The following ATP8B4 variants were observed in gnomAD, a reference collection of about 807,000 sequenced individuals.
ATP8B4 encodes ATPase phospholipid transporting 8B4 (putative).
A neutral mutation model predicts 145.6 loss-of-function variants in ATP8B4; 133 were observed. That is an observed-to-expected ratio of 0.91 (90% CI 0.79 to 1.05). The LOEUF is 1.05. Among genes scored for constraint, ATP8B4 ranks in the 50% least tolerant of loss-of-function variants. The probability of loss-of-function intolerance (pLI) is 0.00; values close to 1 mark genes in which losing one functional copy is unlikely to be tolerated. For missense variants in ATP8B4, 1,458 were observed against 1,425.2 expected (o/e 1.02, Z -0.37); for synonymous variants, 507 against 492.9 (o/e 1.03, Z -0.38).
chr15:50,175,791 G>A (rs997570749), intron 1 of ATP8B4, among the ~76,000 whole-genome samples: 3 of 152,142 alleles, frequency 2.0e-5, no homozygotes, highest in Admixed American at 1.3e-4. Context: ...ACAGTGTGGC[G>A]ATCCCTTAAA....
upstream of ATP8B4, among the ~76,000 whole-genome samples, chr15:50,123,815 T>C (rs533189602): frequency 1.6e-4 from 24 of 152,286 alleles, no homozygotes; most frequent in South Asian, 4.8e-3. Flanking sequence ...CTCCAGTTTT[T>C]TTCATCCTGA....
chr15:50,071,708 G>C (rs1366356941), intron 3 of ATP8B4, among the ~76,000 whole-genome samples: 3 of 152,194 alleles, frequency 2.0e-5, no homozygotes, highest in Non-Finnish European at 2.9e-5. Context: ...CCATATGTCA[G>C]GAGGCCATAC....
intron 1 of ATP8B4, among the ~76,000 whole-genome samples, chr15:50,172,941 G>A (rs939597471): frequency 2.7e-5 from 4 of 146,154 alleles, no homozygotes; most frequent in East Asian, 2.1e-4. Flanking sequence ...GAGCGTCTCC[G>A]CCCGGCAGCC....
chr15:49,915,419 CAA>C (rs1333420484), intron 20 of ATP8B4, among the ~76,000 whole-genome samples: 1 of 151,996 alleles, frequency 6.6e-6, no homozygotes, highest in Non-Finnish European at 1.5e-5. Context: ...GTATAGTTAG[CAA>C]CCATGTATTG....
At chr15:50,028,723 G>A (rs530718994) in intron 6 of ATP8B4, among the ~76,000 whole-genome samples, 16 of 152,136 alleles carry the variant, frequency 1.1e-4, no homozygotes, top group African/African-American at 3.6e-4. Context: ...AAGTAATTGT[G>A]GAATAACTTT....
At chr15:49,925,575 G>T (rs902627933) in intron 16 of ATP8B4, among the ~76,000 whole-genome samples, 1 of 152,152 alleles carries the variant, frequency 6.6e-6, no homozygotes, top group African/African-American at 2.4e-5. Context: ...TGTGATTTGT[G>T]TAAATCCCTT....
chr15:50,130,119 G>A (rs2057336075), intron 1 of ATP8B4, among the ~76,000 whole-genome samples: 1 of 152,138 alleles, frequency 6.6e-6, no homozygotes, highest in Non-Finnish European at 1.5e-5. Flanking sequence ...AGCCTGCATA[G>A]ATGCCCTTTC....
intron 2 of ATP8B4, among the ~76,000 whole-genome samples, chr15:50,103,174 G>C (rs2056473689): frequency 6.6e-6 from 1 of 152,052 alleles, no homozygotes; most frequent in Admixed American, 6.6e-5. Flanking sequence ...TTCCCCCTGA[G>C]AACTGGAACA....
At chr15:50,086,698 A>G (rs1388884015) in intron 2 of ATP8B4, among the ~76,000 whole-genome samples, 1 of 100,340 alleles carries the variant, frequency 1.0e-5, no homozygotes, top group East Asian at 2.7e-4. Flanking sequence ...AATAATAGAG[A>G]TCTATATTAT....
chr15:50,107,335 T>C (rs2153668564), intron 1 of ATP8B4, among the ~76,000 whole-genome samples: 1 of 152,316 alleles, frequency 6.6e-6, no homozygotes, highest in Admixed American at 6.5e-5. Flanking sequence ...ATCTGCCTTT[T>C]ATTTAAATGC....
chr15:50,170,490 A>G (rs908931174), intron 1 of ATP8B4, among the ~76,000 whole-genome samples: 1 of 62,992 alleles, frequency 1.6e-5, no homozygotes, highest in African/African-American at 4.1e-5. Flanking sequence ...ATTCACCATT[A>G]CCAAACCCCC....
intron 23 of ATP8B4, among the ~76,000 whole-genome samples, chr15:49,881,979 A>C (rs2035494042): frequency 6.6e-6 from 1 of 152,236 alleles, no homozygotes; most frequent in Non-Finnish European, 1.5e-5. Context: ...ATTTCCTTCT[A>C]TCAGCTGTCG....
intron 2 of ATP8B4, among the ~76,000 whole-genome samples, chr15:50,081,750 G>A (rs573240687): frequency 2.6e-5 from 4 of 152,318 alleles, no homozygotes; most frequent in South Asian, 4.1e-4. Context: ...ACCCACGAGC[G>A]ATCACAGCAA....
intron 25 of ATP8B4, among the ~76,000 whole-genome samples, chr15:49,875,529 T>G (rs960956382): frequency 6.6e-6 from 1 of 152,172 alleles, no homozygotes; most frequent in Non-Finnish European, 1.5e-5. Flanking sequence ...GAGCTACAGA[T>G]AGTAATAGAG....
intron 3 of ATP8B4, among the ~76,000 whole-genome samples, chr15:50,072,617 A>G (rs2053811749): frequency 6.6e-6 from 1 of 151,902 alleles, no homozygotes; most frequent in Non-Finnish European, 1.5e-5. Flanking sequence ...TGGGAACTTT[A>G]TCTTTTGTTT....
At chr15:49,970,572 G>C (rs912150151) in intron 13 of ATP8B4, among the ~76,000 whole-genome samples, 1 of 152,140 alleles carries the variant, frequency 6.6e-6, no homozygotes, top group Admixed American at 6.5e-5. Context: ...CAAGGAATGC[G>C]AAGGACCTTT....
intron 1 of ATP8B4, among the ~76,000 whole-genome samples, chr15:50,138,230 G>C (rs904498435): frequency 6.6e-6 from 1 of 152,070 alleles, no homozygotes; most frequent in African/African-American, 2.4e-5. Flanking sequence ...TTACACTAAG[G>C]AAATGATCTG....
chr15:50,053,360 C>A (rs181390440), intron 3 of ATP8B4, among the ~76,000 whole-genome samples: 1 of 152,218 alleles, frequency 6.6e-6, no homozygotes, highest in Admixed American at 6.5e-5. Flanking sequence ...CTCTTCACCA[C>A]TGTGCTGCCC....
chr15:50,172,407 G>A (rs1433609071), intron 1 of ATP8B4, among the ~76,000 whole-genome samples: 1 of 152,254 alleles, frequency 6.6e-6, no homozygotes, highest in Non-Finnish European at 1.5e-5. Context: ...GCCTCCGGAG[G>A]TGCCGGGATT....
Sources: gnomAD v4.1 joint callset for allele counts (sites outside exome capture counted in the v4.1 genomes callset) on GRCh38, gnomAD v4.1.1 for gene constraint, MANE v1.5 for transcripts, NCBI Gene and HGNC (gene_info 2026-07-23, HGNC 2026-07-21) for gene names.